ARHGEF7: variants seen among roughly 807,000 people sequenced by gnomAD.
ARHGEF7 encodes Rho guanine nucleotide exchange factor 7.
In ARHGEF7, 33 loss-of-function variants were observed where a neutral mutation model predicts 109.8. The observed-to-expected ratio is 0.30, with a 90% CI of 0.23 to 0.40. The LOEUF is 0.40. Ranked by LOEUF, ARHGEF7 falls within the 10% of genes least tolerant of loss-of-function variation. The pLI is 1.00. For missense variants in ARHGEF7, 938 were observed against 1,098.5 expected, an observed-to-expected ratio of 0.85 and a Z score of 2.07; for synonymous variants, 458 against 424.6, an observed-to-expected ratio of 1.08 and a Z score of -0.97.
intron 1 of ARHGEF7, among the ~76,000 whole-genome samples, chr13:111,121,030 T>A (rs2067162538): frequency 6.6e-6 from 1 of 152,170 alleles, no homozygotes; most frequent in African/African-American, 2.4e-5. Context: ...GGCAGCAGTG[T>A]AACTGAGCAC....
At chr13:111,191,640 G>A (rs542431538) in intron 2 of ARHGEF7, among the ~76,000 whole-genome samples, 3 of 152,212 alleles carry the variant, frequency 2.0e-5, no homozygotes, top group Admixed American at 1.3e-4. Flanking sequence ...GGGAAGGATT[G>A]GACTGGTTTA....
In ARHGEF7 at chr13:111,303,393, T is replaced by TA. The variant is rs1249331654; in HGVS notation, c.*284dup. 4.2e-6 allele frequency: 1 copy of TA among 236,532 alleles called. No individual in the cohort carries two copies. Among genetic ancestry groups the TA allele is most frequent in the Non-Finnish European group, 8.1e-6 (1 of 122,906 alleles). The allele number at this position is 236,532 out of a possible 1,614,324, so 14.7% of individuals were successfully genotyped here. On this transcript the variant is annotated 3_prime_UTR_variant, in exon 22 of 22. Coordinates refer to ENST00000646102, the MANE Select transcript of ARHGEF7 (RefSeq NM_001354046.2). ...TTCTGCAATAAGTTCAGTGACTGAC[T>TA]AAAAGTCTTGTTTTTCCAGACTTTG...
chr13:111,210,056 T>C, intron 4 of ARHGEF7, 54 bp downstream of exon 4: 1 of 1,608,174 alleles, frequency 6.2e-7, no homozygotes, highest in African/African-American at 1.3e-5. Flanking sequence ...TATGAGTGTG[T>C]ATGGATATAT....
Position 111,115,370 on chromosome 13 carries a change from C to A in ARHGEF7, c.-157C>A. ...CAGCGGGCCGGGGCGCACGGAGAAG[C>A]GGGCCGGGCCGGACCTGCTGGGCCG... On this transcript the variant is annotated 5_prime_UTR_variant, in exon 1 of 22. Transcript: ENST00000646102. 1 of 343,646 alleles carries A rather than the reference C, an allele frequency of 2.9e-6. No homozygotes were observed. Among genetic ancestry groups the A allele is most frequent in the Non-Finnish European group, 4.1e-6 (1 of 246,452 alleles). 21.3% of individuals were successfully genotyped at this position (343,646 alleles called of 1,614,324 possible).
chr13:111,181,012 C>A (rs1019625326), intron 2 of ARHGEF7, among the ~76,000 whole-genome samples: 1 of 152,184 alleles, frequency 6.6e-6, no homozygotes, highest in Admixed American at 6.5e-5. Flanking sequence ...GAAAGACTTA[C>A]TACTTGGAAA....
In ARHGEF7 at chr13:111,209,802, T is replaced by C. The variant is rs140707725; in HGVS notation, c.338-70T>C. ...TCTGTGCTGCCCTAGTTTTAAAGTC[T>C]AGTGTGTAGTGTGGGTGCGTGGTAT... is the stretch of plus-strand genomic sequence containing the variant. On this transcript the variant is annotated intron_variant, in intron 3 of 21. Coordinates refer to ENST00000646102, the MANE Select transcript of ARHGEF7 (RefSeq NM_001354046.2). 660 of 1,549,742 alleles carry C rather than the reference T, an allele frequency of 4.3e-4. 3 individuals carry two copies. Among genetic ancestry groups the C allele is most frequent in the Non-Finnish European group, 1.6e-5 (18 of 1,143,100 alleles).
chr13:111,293,285 G>C, intron 19 of ARHGEF7: 1 of 985,300 alleles, frequency 1.0e-6, no homozygotes, highest in Non-Finnish European at 1.2e-6. Context: ...ATGTTGTCTG[G>C]AAGAGCCATG....
chr13:111,143,197 C>T (rs831167), intron 1 of ARHGEF7, among the ~76,000 whole-genome samples: 18,292 of 152,194 alleles, frequency 0.12, 1,127 homozygotes, highest in African/African-American at 0.16. Context: ...AAGAATAGGA[C>T]ATTGGGTTAT....
At chr13:111,196,856 A>G (rs753034085) in intron 2 of ARHGEF7, among the ~76,000 whole-genome samples, 4 of 152,174 alleles carry the variant, frequency 2.6e-5, no homozygotes, top group Non-Finnish European at 5.9e-5. Flanking sequence ...TCTTACAGAA[A>G]AGGTCAAGCT....
At chr13:111,185,686 C>T (rs1321211665) in intron 2 of ARHGEF7, among the ~76,000 whole-genome samples, 3 of 152,240 alleles carry the variant, frequency 2.0e-5, no homozygotes, top group Non-Finnish European at 4.4e-5. Context: ...CCAGGCTGTT[C>T]TTTGCAGGCA....
At chr13:111,127,190 C>T (rs1420572917) in intron 1 of ARHGEF7, among the ~76,000 whole-genome samples, 5 of 152,088 alleles carry the variant, frequency 3.3e-5, no homozygotes, top group Admixed American at 6.5e-5. Flanking sequence ...TTGGAAGACA[C>T]GAAGCTCACT....
At chr13:111,212,778 C>G (rs1404129756) in intron 4 of ARHGEF7, among the ~76,000 whole-genome samples, 1 of 152,092 alleles carries the variant, frequency 6.6e-6, no homozygotes, top group South Asian at 2.1e-4. Flanking sequence ...CATATTTTGT[C>G]AATTCAAAGA....
intron 10 of ARHGEF7, 117 bp downstream of exon 10, chr13:111,274,069 T>A (rs888956834): frequency 2.4e-6 from 3 of 1,255,152 alleles, no homozygotes; most frequent in Non-Finnish European, 3.2e-6. Context: ...ACCAACAGAG[T>A]TTACAAAGAG....
At chr13:111,265,369 T>C in intron 8 of ARHGEF7, 1 of 353,374 alleles carries the variant, frequency 2.8e-6, no homozygotes, top group South Asian at 2.1e-5. Context: ...AAAAAATGGT[T>C]GAAAAACAGG....
intron 1 of ARHGEF7, chr13:111,116,222 C>G (rs2066766164): frequency 6.5e-6 from 1 of 152,714 alleles, no homozygotes; most frequent in East Asian, 1.9e-4. Flanking sequence ...CTACTTTCCC[C>G]TCGAGAAAAT....
chr13:111,275,494 G>A, intron 11 of ARHGEF7, 38 bp from the exon 12 acceptor site: 1 of 1,608,766 alleles, frequency 6.2e-7, no homozygotes, highest in Non-Finnish European at 8.5e-7. Context: ...CATTCTGAAA[G>A]TTTATGTCTG....
At chr13:111,203,799 G>A (rs1218512566) in intron 2 of ARHGEF7, among the ~76,000 whole-genome samples, 1 of 152,176 alleles carries the variant, frequency 6.6e-6, no homozygotes, top group Non-Finnish European at 1.5e-5. Flanking sequence ...GATGAATTTT[G>A]AATAATACAG....
At chr13:111,247,529 C>G (rs1595147145) in intron 8 of ARHGEF7, among the ~76,000 whole-genome samples, 1 of 152,174 alleles carries the variant, frequency 6.6e-6, no homozygotes, top group East Asian at 1.9e-4. Context: ...CCTCAGCCTC[C>G]CAAAGTGTTG....
At chr13:111,288,319 AG>A in intron 17 of ARHGEF7, 34 bp from the exon 18 acceptor site, 1 of 1,539,114 alleles carries the variant, frequency 6.5e-7, no homozygotes, top group South Asian at 1.1e-5. Context: ...GAGGCCTTTC[AG>A]TTCGACTGTG....
Sources: allele counts gnomAD v4.1 joint callset (sites outside exome capture counted in the v4.1 genomes callset), GRCh38; gene constraint gnomAD v4.1.1; transcripts MANE v1.5; gene names NCBI Gene and HGNC (gene_info 2026-07-23, HGNC 2026-07-21).